SEMA3E: variants seen among roughly 807,000 people sequenced by gnomAD.
The protein encoded by SEMA3E is semaphorin-3E.
Under a neutral mutation model 93.6 loss-of-function variants are expected in SEMA3E, and 49 were observed. The observed-to-expected ratio is 0.52, with a 90% CI of 0.42 to 0.66. The LOEUF (loss-of-function observed/expected upper bound fraction) is 0.66. SEMA3E is among the 30% of genes least tolerant of loss of function. The pLI, the probability that SEMA3E is intolerant of heterozygous loss-of-function variation, is 0.00. For synonymous variants in SEMA3E, 363 were observed against 330.7 expected, an observed-to-expected ratio of 1.10 and a Z score of -1.06; for missense variants, 906 against 964.8, an observed-to-expected ratio of 0.94 and a Z score of 0.81.
Position 83,400,053 on chromosome 7 carries a change from T to G in SEMA3E, c.1341A>C (p.Gln447His), listed in dbSNP as rs149235216. ...AVDRVEAEDGQYDVLFIGTDN... is the reference protein window; with the variant it reads ...AVDRVEAEDGHYDVLFIGTDN... Reference sequence around the variant, plus strand: ...CTGTCCCAATAAACAAGACGTCATATTGGCCATCCTCAGCTTCCACTCGAT... The same window carrying G: ...CTGTCCCAATAAACAAGACGTCATAGTGGCCATCCTCAGCTTCCACTCGAT... The change falls in exon 11 of 17, where the codon CAA (glutamine) becomes CAC (histidine). Residue 447 changes from glutamine (Q) to histidine (H), a missense_variant. Transcript: ENST00000643230. 6.2e-7 allele frequency: 1 copy of G among 1,613,750 alleles called. No homozygotes were observed. Among genetic ancestry groups the G allele is most frequent in the Non-Finnish European group, 8.5e-7 (1 of 1,179,634 alleles).
chr7:83,604,578 A>G (rs961581720), intron 1 of SEMA3E, among the ~76,000 whole-genome samples: 2 of 151,142 alleles, frequency 1.3e-5, no homozygotes, highest in African/African-American at 4.9e-5. Context: ...TATATAACCC[A>G]ACATATATAT....
chr7:83,393,319 A>C (rs1369447688), intron 13 of SEMA3E, among the ~76,000 whole-genome samples: 1 of 151,636 alleles, frequency 6.6e-6, no homozygotes, highest in African/African-American at 2.4e-5. Context: ...AAATTGCTTG[A>C]GCCCAGGAGT....
chr7:83,378,804 T>C (rs1170814252), intron 16 of SEMA3E, among the ~76,000 whole-genome samples: 1 of 151,912 alleles, frequency 6.6e-6, no homozygotes, highest in Non-Finnish European at 1.5e-5. Flanking sequence ...TTAACTTTAG[T>C]AAATTAGCAC....
At chr7:83,390,016 C>CGTGT (rs374917127) in intron 14 of SEMA3E, among the ~76,000 whole-genome samples, 1 of 112,084 alleles carries the variant, frequency 8.9e-6, no homozygotes, top group Non-Finnish European at 1.8e-5. Flanking sequence ...CATATATACG[C>CGTGT]GTATATGTGT....
chr7:83,554,908 C>T (rs1051616343), intron 1 of SEMA3E, among the ~76,000 whole-genome samples: 4 of 151,734 alleles, frequency 2.6e-5, no homozygotes, highest in East Asian at 3.9e-4. Flanking sequence ...ACCCGGGAGG[C>T]GGAGCTTGCA....
chr7:83,534,656 G>T (rs1382905443), intron 1 of SEMA3E, among the ~76,000 whole-genome samples: 1 of 152,116 alleles, frequency 6.6e-6, no homozygotes, highest in Non-Finnish European at 1.5e-5. Flanking sequence ...TCTGTCACTT[G>T]TTTCTATAAA....
intron 1 of SEMA3E, among the ~76,000 whole-genome samples, chr7:83,597,451 C>A (rs1376153969): frequency 6.6e-6 from 1 of 152,170 alleles, no homozygotes; most frequent in Non-Finnish European, 1.5e-5. Context: ...AGGCTTCAAT[C>A]AAATCAATGC....
intron 2 of SEMA3E, among the ~76,000 whole-genome samples, chr7:83,470,541 T>A (rs1159499708): frequency 6.6e-6 from 1 of 152,170 alleles, no homozygotes; most frequent in Non-Finnish European, 1.5e-5. Flanking sequence ...TCATCAACAC[T>A]CTTAAAAGGT....
At chr7:83,592,675 T>C (rs1416442470) in intron 1 of SEMA3E, among the ~76,000 whole-genome samples, 1 of 152,108 alleles carries the variant, frequency 6.6e-6, no homozygotes, top group African/African-American at 2.4e-5. Context: ...ATACGTTGGT[T>C]TGGTATGTAG....
intron 1 of SEMA3E, among the ~76,000 whole-genome samples, chr7:83,496,492 T>A (rs1432702350): frequency 6.6e-6 from 1 of 152,060 alleles, no homozygotes; most frequent in East Asian, 1.9e-4. Flanking sequence ...TTATAAACTA[T>A]CCGAAATAAT....
intron 4 of SEMA3E, among the ~76,000 whole-genome samples, chr7:83,453,626 T>C (rs1789411583): frequency 6.6e-6 from 1 of 152,150 alleles, no homozygotes. Flanking sequence ...TTCTAACCAC[T>C]TACTTGAAAT....
chr7:83,507,400 G>T (rs1790723938), intron 1 of SEMA3E, among the ~76,000 whole-genome samples: 1 of 149,076 alleles, frequency 6.7e-6, no homozygotes. Flanking sequence ...TGACTGCTGG[G>T]ATTTATCACT....
intron 2 of SEMA3E, among the ~76,000 whole-genome samples, chr7:83,489,399 T>C (rs1273977475): frequency 7.3e-6 from 1 of 136,172 alleles, no homozygotes; most frequent in African/African-American, 3.0e-5. Context: ...TTTGTCATAA[T>C]TAAAAAAAAA....
At chr7:83,526,432 G>C (rs1228730621) in intron 1 of SEMA3E, among the ~76,000 whole-genome samples, 4 of 152,092 alleles carry the variant, frequency 2.6e-5, no homozygotes, top group Admixed American at 1.3e-4. Context: ...GAAGTAGAAA[G>C]GTTATATTGG....
chr7:83,583,009 T>C (rs1164766474), intron 1 of SEMA3E, among the ~76,000 whole-genome samples: 3 of 152,150 alleles, frequency 2.0e-5, no homozygotes, highest in Non-Finnish European at 4.4e-5. Context: ...TATATTATTA[T>C]AGTAACATTA....
intron 1 of SEMA3E, among the ~76,000 whole-genome samples, chr7:83,516,661 C>T (rs1043837630): frequency 6.6e-6 from 1 of 152,136 alleles, no homozygotes; most frequent in African/African-American, 2.4e-5. Context: ...AATACATTAA[C>T]TATAACCACT....
intron 5 of SEMA3E, among the ~76,000 whole-genome samples, chr7:83,416,083 C>G (rs1242623390): frequency 6.6e-6 from 1 of 152,062 alleles, no homozygotes; most frequent in Non-Finnish European, 1.5e-5. Flanking sequence ...TAAAGAGTTT[C>G]TGGCTCACAT....
chr7:83,574,248 G>A (rs942005008), intron 1 of SEMA3E, among the ~76,000 whole-genome samples: 1 of 152,074 alleles, frequency 6.6e-6, no homozygotes. Flanking sequence ...AGAACAAAGT[G>A]ATAGATAGTC....
intron 1 of SEMA3E, among the ~76,000 whole-genome samples, chr7:83,587,288 T>C (rs1417377854): frequency 1.3e-5 from 2 of 152,190 alleles, no homozygotes; most frequent in East Asian, 1.9e-4. Flanking sequence ...CAAACTTAGT[T>C]TTCAGTTTAT....
Sources: allele counts gnomAD v4.1 joint callset (sites outside exome capture counted in the v4.1 genomes callset), GRCh38; gene constraint gnomAD v4.1.1; transcripts MANE v1.5; gene names NCBI Gene and HGNC (gene_info 2026-07-23, HGNC 2026-07-21).